The following TSPYL5 variants were observed in gnomAD, a reference collection of about 807,000 sequenced individuals.
TSPYL5 encodes the protein testis-specific Y-encoded-like protein 5.
For synonymous variants in TSPYL5, 276 were observed against 236.1 expected (o/e 1.17, Z -1.55); for missense variants, 556 against 555.5 (o/e 1.00, Z -0.01).
In TSPYL5 at chr8:97,273,650, A is replaced by C. The variant is rs924597937; in HGVS notation, c.*2941T>G. ...TGGGGAGGTTATTTTCACAGAACAC[A>C]GCAACAATTTCCAAATTATTCTTCC... On this transcript the variant is annotated 3_prime_UTR_variant, in exon 1 of 1. Transcript: ENST00000322128. 3.9e-5 allele frequency: 6 copies of C among 152,676 alleles called. No homozygotes were observed. The highest frequency in any genetic ancestry group is 1.4e-4 in the African/African-American group (6 of 41,464). The allele number at this position is 152,676 out of a possible 1,614,324, so 9.5% of individuals were successfully genotyped here.
chr8:97,275,739 GGT>G lies in TSPYL5; in HGVS notation c.*850_*851del, dbSNP rs1009984785. The stretch of plus-strand genomic sequence containing the variant: ...GGTTCCTGGAAAGCTGGGGAGGGTA[GGT>G]GTGTGTCTCATGCACTGGTAGGGGG... On this transcript the variant is annotated 3_prime_UTR_variant, in exon 1 of 1. Coordinates refer to ENST00000322128, the MANE Select transcript of TSPYL5 (RefSeq NM_033512.3). 2.0e-5 allele frequency: 3 copies of G among 152,314 alleles called. No individual in the cohort carries two copies. The highest frequency in any genetic ancestry group is 7.2e-5 in the African/African-American group (3 of 41,432). 9.4% of individuals were successfully genotyped at this position (152,314 alleles called of 1,614,324 possible).
Position 97,277,559 on chromosome 8 carries a change from C to T in TSPYL5, c.286G>A (p.Asp96Asn). Residue 96 changes from aspartate to asparagine, a missense_variant, in exon 1 of 1, where the codon GAC becomes AAC. Asp to Asn is a conservative substitution (Grantham distance 23). Transcript: ENST00000322128. The surrounding 1 kb of genome is among the most constrained non-coding windows in gnomAD (Gnocchi z 4.5). ...GLALRARAAG[D>N]HGQAAARPGP... is the part of the protein sequence containing the mutation. The stretch of plus-strand genomic sequence containing the variant: ...GGCCTGGCCGCGGCCTGCCCGTGGT[C>T]CCCCGCAGCTCGGGCCCGCAGCGCG... 1 of 1,471,278 alleles carries T rather than the reference C, an allele frequency of 6.8e-7. No individual in the cohort carries two copies. The highest frequency in any genetic ancestry group is 9.0e-7 in the Non-Finnish European group (1 of 1,114,606). The allele number at this position is 1,471,278 out of a possible 1,614,324, so 91.1% of individuals were successfully genotyped here.
Position 97,277,710 on chromosome 8 carries a change from C to T in TSPYL5, c.135G>A (p.Gly45=), listed in dbSNP as rs754013205. 1.9e-6 allele frequency: 3 copies of T among 1,560,978 alleles called. No individual in the cohort carries two copies. In the East Asian group the frequency reaches 7.7e-5, roughly 40 times the overall value. The stretch of plus-strand genomic sequence containing the variant: ...GCACCTGTGCCGCCTGGGTGTCTTC[C>T]CCGAGACTCTGGTACTGTGAAGGGT... ...DPDPSQYQSL[G]EDTQAAQVQA... The change falls in exon 1 of 1, where the codon GGG becomes GGA. Residue 45 remains glycine, a synonymous_variant. Transcript: ENST00000322128. The surrounding 1 kb of genome is among the most constrained non-coding windows in gnomAD (Gnocchi z 4.5).
At position 97,276,369 on chromosome 8, in the gene TSPYL5, CAT is replaced by C. The variant is rs2130735962; in HGVS notation, c.*220_*221del. ...ACACATCTAAAGTATGTGTGCTTAA[CAT>C]ATGAACAGTCCGGGTGCGATCACAT... On this transcript the variant is annotated 3_prime_UTR_variant, in exon 1 of 1. Transcript: ENST00000322128. 1 of 591,442 alleles carries C rather than the reference CAT, an allele frequency of 1.7e-6. No individual in the cohort carries two copies. The highest frequency in any genetic ancestry group is 2.8e-5 in the East Asian group (1 of 35,322). 36.6% of individuals were successfully genotyped at this position (591,442 alleles called of 1,614,324 possible).
In TSPYL5 at chr8:97,277,811, G is replaced by A. The variant is rs1810558601; in HGVS notation, c.34C>T (p.Arg12Cys). The change falls in exon 1 of 1, where the codon CGC (arginine) becomes TGC (cysteine). Residue 12 changes from arginine to cysteine, a missense_variant. Coordinates refer to ENST00000322128, the MANE Select transcript of TSPYL5 (RefSeq NM_033512.3). The surrounding 1 kb of genome is among the most constrained non-coding windows in gnomAD (Gnocchi z 4.5). ...SGRSRGRKSS[R>C]AKNRGKGRAK... is the part of the protein sequence containing the mutation. ...CGGCCTTTGCCCCGGTTTTTGGCGC[G>A]GGAGGACTTTCGACCCCGACTTCGG... 6.8e-7 allele frequency: 1 copy of A among 1,475,506 alleles called. No homozygotes were observed. The highest frequency in any genetic ancestry group is 8.9e-7 in the Non-Finnish European group (1 of 1,118,374). The allele number at this position is 1,475,506 out of a possible 1,614,324, so 91.4% of individuals were successfully genotyped here.
In TSPYL5 at chr8:97,276,116, T is replaced by A. The variant is rs2130735709; in HGVS notation, c.*475A>T. Reference sequence around the variant, plus strand: ...AGAACAGGAAGTTCTGGCTGATGACTAATACCATGTGCACTGGCTTCATTC... The same window carrying A: ...AGAACAGGAAGTTCTGGCTGATGACAAATACCATGTGCACTGGCTTCATTC... On this transcript the variant is annotated 3_prime_UTR_variant, in exon 1 of 1. Transcript: ENST00000322128. 6.2e-6 allele frequency: 1 copy of A among 160,450 alleles called. No individual in the cohort carries two copies. Among genetic ancestry groups the A allele is most frequent in the Middle Eastern group, 3.2e-3 (1 of 308 alleles). The allele number at this position is 160,450 out of a possible 1,614,324, so 9.9% of individuals were successfully genotyped here.
chr8:97,277,572 G>C lies in TSPYL5; in HGVS notation c.273C>G (p.Ala91=). The C allele has an allele frequency of 6.8e-7, 1 of 1,463,248 alleles. No homozygotes were observed. Among genetic ancestry groups the C allele is most frequent in the South Asian group, 1.4e-5 (1 of 70,120 alleles). 90.6% of individuals were successfully genotyped at this position (1,463,248 alleles called of 1,614,324 possible). Residue 91 remains alanine (A), a synonymous_variant, in exon 1 of 1, where the codon GCC becomes GCG. Transcript: ENST00000322128. The surrounding 1 kb of genome is among the most constrained non-coding windows in gnomAD (Gnocchi z 4.5). ...CCTGCCCGTGGTCCCCCGCAGCTCG[G>C]GCCCGCAGCGCGAGGCCACAGTCCA... ...LPLDCGLALR[A]RAAGDHGQAA... is the part of the protein sequence containing the mutation.
chr8:97,276,795 G>C lies in TSPYL5; in HGVS notation c.1050C>G (p.Phe350Leu), dbSNP rs1191023488. ...SQGNPENNRSFFGWFSNHSSI... is the reference protein window; with the variant it reads ...SQGNPENNRSLFGWFSNHSSI... The stretch of plus-strand genomic sequence containing the variant: ...AGCTGTGGTTTGAAAACCACCCAAA[G>C]AAACTACGGTTGTTTTCTGGGTTTC... The change falls in exon 1 of 1, where the codon TTC (phenylalanine) becomes TTG (leucine). Residue 350 changes from phenylalanine to leucine, a missense_variant. Phe to Leu is a conservative substitution (Grantham distance 22). Transcript: ENST00000322128. 1 of 1,614,062 alleles carries C rather than the reference G, an allele frequency of 6.2e-7. No individual in the cohort carries two copies.
chr8:97,276,439 C>T lies in TSPYL5; in HGVS notation c.*152G>A. ...TAGAAAAGCAAGAGGCTATGGGAGGCAAAAGAACATGATCATAAATGCCAT... is the reference window on the plus strand; with the variant it reads ...TAGAAAAGCAAGAGGCTATGGGAGGTAAAAGAACATGATCATAAATGCCAT... On this transcript the variant is annotated 3_prime_UTR_variant, in exon 1 of 1. Coordinates refer to ENST00000322128, the MANE Select transcript of TSPYL5 (RefSeq NM_033512.3). 9.8e-7 allele frequency: 1 copy of T among 1,022,228 alleles called. No individual in the cohort carries two copies. The highest frequency in any genetic ancestry group is 1.5e-6 in the Non-Finnish European group (1 of 689,396). The allele number at this position is 1,022,228 out of a possible 1,614,324, so 63.3% of individuals were successfully genotyped here.
chr8:97,276,238 G>A lies in TSPYL5; in HGVS notation c.*353C>T, dbSNP rs1443277882. 4.3e-6 allele frequency: 1 copy of A among 230,466 alleles called. No individual in the cohort carries two copies. The highest frequency in any genetic ancestry group is 8.4e-6 in the Non-Finnish European group (1 of 118,446). The allele number at this position is 230,466 out of a possible 1,614,324, so 14.3% of individuals were successfully genotyped here. On this transcript the variant is annotated 3_prime_UTR_variant, in exon 1 of 1. Coordinates refer to ENST00000322128, the MANE Select transcript of TSPYL5 (RefSeq NM_033512.3). ...TGGCCCTGAAGGAGCAGAGCTTGAGGATGCACTGGTCGTCCTGGAGGATGA... is the reference window on the plus strand; with the variant it reads ...TGGCCCTGAAGGAGCAGAGCTTGAGAATGCACTGGTCGTCCTGGAGGATGA...
At position 97,274,035 on chromosome 8, in the gene TSPYL5, T is replaced by G. The variant is rs1422154994; in HGVS notation, c.*2556A>C. The G allele has an allele frequency of 1.3e-5, 2 of 152,148 alleles. No individual in the cohort carries two copies. The highest frequency in any genetic ancestry group is 1.5e-5 in the Non-Finnish European group (1 of 68,030). The allele number at this position is 152,148 out of a possible 1,614,324, so 9.4% of individuals were successfully genotyped here. ...AAAAGAGACTACCAATCTCCCAAAG[T>G]AGTCACGGTTGCATTGGCATAGTGT... On this transcript the variant is annotated 3_prime_UTR_variant, in exon 1 of 1. Transcript: ENST00000322128.
chr8:97,277,499 G>C lies in TSPYL5; in HGVS notation c.346C>G (p.Leu116Val). 1 of 1,520,494 alleles carries C rather than the reference G, an allele frequency of 6.6e-7. No homozygotes were observed. The highest frequency in any genetic ancestry group is 8.8e-7 in the Non-Finnish European group (1 of 1,136,702). The allele number at this position is 1,520,494 out of a possible 1,614,324, so 94.2% of individuals were successfully genotyped here. Reference sequence around the variant, plus strand: ...CCCACGAAGACAGTGTCTGCGGCCAGGCGCTCCGAGAGAGATGCGGCCTTC... The same window carrying C: ...CCCACGAAGACAGTGTCTGCGGCCACGCGCTCCGAGAGAGATGCGGCCTTC... ...PGKAASLSER[L>V]AADTVFVGTA... Residue 116 changes from leucine to valine, a missense_variant, in exon 1 of 1, where the codon CTG becomes GTG. Leu to Val is a conservative substitution (Grantham distance 32). Transcript: ENST00000322128. This position sits in a 1 kb window ranked among gnomAD's most constrained non-coding sequence, Gnocchi z 4.5.
chr8:97,277,261 G>A lies in TSPYL5; in HGVS notation c.584C>T (p.Pro195Leu). The A allele has an allele frequency of 6.2e-7, 1 of 1,613,968 alleles. No individual in the cohort carries two copies. The highest frequency in any genetic ancestry group is 1.1e-5 in the South Asian group (1 of 91,078). ...ATCCATGCTGCCTTCCGTCGCTGGG[G>A]GCCCCGACCCTGCATCCCTCTCTTC... The part of the protein sequence containing the change: ...KKEERDAGSG[P>L]PATEGSMDTL... Residue 195 changes from proline (P) to leucine (L), a missense_variant, in exon 1 of 1, where the codon CCC becomes CTC. Transcript: ENST00000322128. The surrounding 1 kb of genome is among the most constrained non-coding windows in gnomAD (Gnocchi z 4.5).
In TSPYL5 at chr8:97,275,103, G is replaced by T. The variant is rs1463871425; in HGVS notation, c.*1488C>A. 6.6e-6 allele frequency: 1 copy of T among 152,260 alleles called. No homozygotes were observed. The highest frequency in any genetic ancestry group is 1.5e-5 in the Non-Finnish European group (1 of 68,062). 9.4% of individuals were successfully genotyped at this position (152,260 alleles called of 1,614,324 possible). ...AAAACAAGAGTAAACACTAGTCTAT[G>T]ACATGGCTGCCTTGGGGTTTATAAC... On this transcript the variant is annotated 3_prime_UTR_variant, in exon 1 of 1. Coordinates refer to ENST00000322128, the MANE Select transcript of TSPYL5 (RefSeq NM_033512.3).
rs146046752 is a variant in TSPYL5 at position 97,277,026 on chromosome 8, T to C, written c.819A>G (p.Val273=). The part of the protein sequence containing the change: ...ASFLNSQEKE[V]LSYLNSLEVE... The stretch of plus-strand genomic sequence containing the variant: ...CTTCCAAGCTGTTTAAGTAGCTCAG[T>C]ACCTCTTTCTCTTGGCTATTCAGAA... Residue 273 remains valine, a synonymous_variant, in exon 1 of 1, where the codon GTA becomes GTG. Transcript: ENST00000322128. The surrounding 1 kb of genome is among the most constrained non-coding windows in gnomAD (Gnocchi z 4.5). 9,886 of 1,614,224 alleles carry C rather than the reference T, an allele frequency of 6.1e-3. 45 individuals carry two copies. The highest frequency in any genetic ancestry group is 7.8e-3 in the Non-Finnish European group (9,228 of 1,180,030).
In TSPYL5 at chr8:97,273,669, T is replaced by C. The variant is rs763405507; in HGVS notation, c.*2922A>G. 1 of 152,670 alleles carries C rather than the reference T, an allele frequency of 6.6e-6. No individual in the cohort carries two copies. Among genetic ancestry groups the C allele is most frequent in the Non-Finnish European group, 1.5e-5 (1 of 68,032 alleles). 9.5% of individuals were successfully genotyped at this position (152,670 alleles called of 1,614,324 possible). ...GAACACAGCAACAATTTCCAAATTATTCTTCCAAAACCAGAGTTATGAGAC... is the reference window on the plus strand; with the variant it reads ...GAACACAGCAACAATTTCCAAATTACTCTTCCAAAACCAGAGTTATGAGAC... On this transcript the variant is annotated 3_prime_UTR_variant, in exon 1 of 1. Transcript: ENST00000322128.
Position 97,277,773 on chromosome 8 carries a change from T to G in TSPYL5, c.72A>C (p.Arg24=). The change falls in exon 1 of 1, where the codon CGA becomes CGC. Residue 24 remains arginine, a synonymous_variant. Coordinates refer to ENST00000322128, the MANE Select transcript of TSPYL5 (RefSeq NM_033512.3). The surrounding 1 kb of genome is among the most constrained non-coding windows in gnomAD (Gnocchi z 4.5). The stretch of plus-strand genomic sequence containing the variant: ...GGGCGTCGTCCGGAGCAGGGCGGAC[T>G]CGGGCTTTGGCGCGGCCTTTGCCCC... ...KNRGKGRAKA[R]VRPAPDDAPR... 6.6e-7 allele frequency: 1 copy of G among 1,522,618 alleles called. No homozygotes were observed. Among genetic ancestry groups the G allele is most frequent in the Non-Finnish European group, 8.8e-7 (1 of 1,139,414 alleles). 94.3% of individuals were successfully genotyped at this position (1,522,618 alleles called of 1,614,324 possible).
chr8:97,277,662 G>T lies in TSPYL5; in HGVS notation c.183C>A (p.Gly61=). 6.8e-7 allele frequency: 1 copy of T among 1,476,134 alleles called. No individual in the cohort carries two copies. 91.4% of individuals were successfully genotyped at this position (1,476,134 alleles called of 1,614,324 possible). Reference sequence around the variant, plus strand: ...GCTGCGCGGACGCAGCGGCTTCCAGGCCACCCCACCCCGCGCCAGCCTGCA... The same window carrying T: ...GCTGCGCGGACGCAGCGGCTTCCAGTCCACCCCACCCCGCGCCAGCCTGCA... ...AQVQAGAGWG[G]LEAAASAQLL... Residue 61 remains glycine (G), a synonymous_variant, in exon 1 of 1, where the codon GGC becomes GGA. Coordinates refer to ENST00000322128, the MANE Select transcript of TSPYL5 (RefSeq NM_033512.3). This position sits in a 1 kb window ranked among gnomAD's most constrained non-coding sequence, Gnocchi z 4.5.
chr8:97,277,775 G>A lies in TSPYL5; in HGVS notation c.70C>T (p.Arg24Ter). The change falls in exon 1 of 1, where the codon CGA becomes TGA. Residue 24 changes from arginine (R) to a stop codon, truncating the protein, a stop_gained. Coordinates refer to ENST00000322128, the MANE Select transcript of TSPYL5 (RefSeq NM_033512.3). LOFTEE classifies it low-confidence loss of function (END_TRUNC). The surrounding 1 kb of genome is among the most constrained non-coding windows in gnomAD (Gnocchi z 4.5). ...GCGTCGTCCGGAGCAGGGCGGACTC[G>A]GGCTTTGGCGCGGCCTTTGCCCCGG... ...KNRGKGRAKA[R>*]VRPAPDDAPR... The A allele has an allele frequency of 6.6e-7, 1 of 1,515,960 alleles. No homozygotes were observed. Among genetic ancestry groups the A allele is most frequent in the Non-Finnish European group, 8.8e-7 (1 of 1,136,602 alleles). 93.9% of individuals were successfully genotyped at this position (1,515,960 alleles called of 1,614,324 possible). A position where few individuals can be genotyped will look rare whatever the true frequency, so the allele number is the denominator to read the frequency against.
Sources: allele counts gnomAD v4.1 joint callset, GRCh38; gene constraint gnomAD v4.1.1; non-coding constraint Gnocchi (gnomAD v3.1); transcripts MANE v1.5; gene names NCBI Gene and HGNC (gene_info 2026-07-23, HGNC 2026-07-21).